DNAJC6: variants seen among roughly 807,000 people sequenced by gnomAD.
The protein encoded by DNAJC6 is auxilin.
DNAJC6 carries 34 observed loss-of-function variants against 110.0 expected under a neutral mutation model. The observed-to-expected ratio is 0.31, with a 90% CI of 0.24 to 0.41. DNAJC6 has a LOEUF of 0.41. Among genes scored for constraint, DNAJC6 ranks in the 10% least tolerant of loss-of-function variants. DNAJC6 has a pLI of 1.00. For synonymous variants in DNAJC6, 406 were observed against 437.2 expected (o/e 0.93, Z 0.89); for missense variants, 1,031 against 1,207.8 (o/e 0.85, Z 2.17).
intron 15 of DNAJC6, among the ~76,000 whole-genome samples, chr1:65,405,579 C>T (rs900478617): frequency 1.3e-5 from 2 of 152,098 alleles, no homozygotes; most frequent in Non-Finnish European, 2.9e-5. Flanking sequence ...AGAATCAAGT[C>T]TCGGCTCAGC....
intron 11 of DNAJC6, 72 bp from the exon 12 acceptor site, chr1:65,392,359 C>T (rs771251316): frequency 2.5e-5 from 34 of 1,350,848 alleles, no homozygotes; most frequent in Non-Finnish European, 3.2e-5. Context: ...GAATTATATA[C>T]ATATATTATA....
intron 16 of DNAJC6, among the ~76,000 whole-genome samples, chr1:65,407,836 T>G (rs1646091964): frequency 6.6e-6 from 1 of 152,202 alleles, no homozygotes; most frequent in African/African-American, 2.4e-5. Context: ...AGTATAGAGA[T>G]AGCAAATGGT....
intron 1 of DNAJC6, among the ~76,000 whole-genome samples, chr1:65,278,498 A>G (rs527610985): frequency 6.6e-6 from 1 of 152,328 alleles, no homozygotes; most frequent in African/African-American, 2.4e-5. Flanking sequence ...TTGAAAATGT[A>G]CTAAGTAAGA....
At chr1:65,407,328 C>T (rs1201538296) in intron 16 of DNAJC6, among the ~76,000 whole-genome samples, 1 of 152,196 alleles carries the variant, frequency 6.6e-6, no homozygotes, top group Non-Finnish European at 1.5e-5. Flanking sequence ...GGTCTTGGAA[C>T]ATACCGCCTG....
At chr1:65,410,701 T>C (rs1391649003) in intron 17 of DNAJC6, among the ~76,000 whole-genome samples, 1 of 152,222 alleles carries the variant, frequency 6.6e-6, no homozygotes, top group Non-Finnish European at 1.5e-5. Flanking sequence ...GCTAAATGGG[T>C]CAATTCACGT....
intron 1 of DNAJC6, among the ~76,000 whole-genome samples, chr1:65,273,460 A>G (rs954666830): frequency 3.3e-5 from 5 of 152,062 alleles, no homozygotes; most frequent in African/African-American, 1.2e-4. Flanking sequence ...TTAGTTGAGC[A>G]CGGTGGTATG....
At chr1:65,297,480 A>C (rs1022592212) in intron 1 of DNAJC6, among the ~76,000 whole-genome samples, 2 of 152,230 alleles carry the variant, frequency 1.3e-5, no homozygotes, top group African/African-American at 4.8e-5. Context: ...TAGTCCATAC[A>C]TTTCTCCTAT....
chr1:65,349,677 G>T (rs953072236), intron 1 of DNAJC6, among the ~76,000 whole-genome samples: 2 of 151,860 alleles, frequency 1.3e-5, no homozygotes, highest in African/African-American at 4.8e-5. Context: ...AGCCATTATT[G>T]ACATTTTTGT....
intron 1 of DNAJC6, among the ~76,000 whole-genome samples, chr1:65,333,672 T>A (rs1645309062): frequency 6.6e-6 from 1 of 152,162 alleles, no homozygotes; most frequent in African/African-American, 2.4e-5. Context: ...ACTTAGGATT[T>A]TTTTTTCCTC....
intron 1 of DNAJC6, among the ~76,000 whole-genome samples, chr1:65,292,207 G>A (rs1044738382): frequency 5.3e-5 from 8 of 151,798 alleles, no homozygotes; most frequent in South Asian, 4.2e-4. Flanking sequence ...TAGTAGAGAC[G>A]GGGTTTCACC....
intron 1 of DNAJC6, among the ~76,000 whole-genome samples, chr1:65,344,336 A>G (rs1157773840): frequency 1.3e-5 from 2 of 152,194 alleles, no homozygotes; most frequent in African/African-American, 4.8e-5. Flanking sequence ...ATTCTTAACA[A>G]GTATTATTGC....
At chr1:65,296,776 C>T (rs837262) in intron 1 of DNAJC6, among the ~76,000 whole-genome samples, 9 of 151,892 alleles carry the variant, frequency 5.9e-5, no homozygotes, top group Admixed American at 1.3e-4. Flanking sequence ...TTATTAGAGA[C>T]GGGGTTTCAC....
intron 1 of DNAJC6, among the ~76,000 whole-genome samples, chr1:65,271,912 T>A (rs1432079776): frequency 6.6e-6 from 1 of 152,068 alleles, no homozygotes; most frequent in African/African-American, 2.4e-5. Flanking sequence ...ATTTTATATG[T>A]TGACCTTATT....
chr1:65,280,785 A>G (rs1377268123), intron 1 of DNAJC6, among the ~76,000 whole-genome samples: 1 of 152,130 alleles, frequency 6.6e-6, no homozygotes, highest in African/African-American at 2.4e-5. Flanking sequence ...TTTCATTTGT[A>G]AACATGGGAG....
intron 1 of DNAJC6, among the ~76,000 whole-genome samples, chr1:65,276,611 C>T (rs1488169271): frequency 6.6e-6 from 1 of 152,122 alleles, no homozygotes; most frequent in Non-Finnish European, 1.5e-5. Context: ...AGACCCTAAA[C>T]TCTAATTTTT....
intron 5 of DNAJC6, among the ~76,000 whole-genome samples, chr1:65,383,354 C>T (rs947352671): frequency 6.6e-6 from 1 of 152,126 alleles, no homozygotes; most frequent in Non-Finnish European, 1.5e-5. Flanking sequence ...GTTGGGGTTT[C>T]ACCATGTTGC....
At chr1:65,264,834 A>C in exon 1 of DNAJC6, 3 of 1,598,776 alleles carry the variant, frequency 1.9e-6, no homozygotes, top group Non-Finnish European at 2.6e-6. Context: ...GCTGACTGTG[A>C]ATGACAAATC....
At chr1:65,289,470 A>G (rs1654128581) in intron 1 of DNAJC6, among the ~76,000 whole-genome samples, 1 of 152,036 alleles carries the variant, frequency 6.6e-6, no homozygotes, top group Non-Finnish European at 1.5e-5. Flanking sequence ...CTGAGATTAC[A>G]GATGTGAGCC....
At position 65,392,612 on chromosome 1, in the gene DNAJC6, C is replaced by A; in HGVS notation, c.1650C>A (p.Pro550=). The A allele has an allele frequency of 6.2e-7, 1 of 1,613,998 alleles. No individual in the cohort carries two copies. Among genetic ancestry groups the A allele is most frequent in the Non-Finnish European group, 8.5e-7 (1 of 1,179,964 alleles). The change falls in exon 12 of 19, where the codon CCC becomes CCA. Residue 550 remains proline, a synonymous_variant. Coordinates refer to ENST00000371069, the MANE Select transcript of DNAJC6 (RefSeq NM_001256864.2). ...AGCAGGAGCCAGCAGCCCCTCCACCCCCTGAGGATGTGGACCTTTTGGGCC... is the reference window on the plus strand; with the variant it reads ...AGCAGGAGCCAGCAGCCCCTCCACCACCTGAGGATGTGGACCTTTTGGGCC... ...KKQQEPAAPP[P]PEDVDLLGLE...
Sources: gnomAD v4.1 joint callset for allele counts (sites outside exome capture counted in the v4.1 genomes callset) on GRCh38, gnomAD v4.1.1 for gene constraint, MANE v1.5 for transcripts, NCBI Gene and HGNC (gene_info 2026-07-23, HGNC 2026-07-21) for gene names.